The following PSMD1 variants were observed in gnomAD, a reference collection of about 807,000 sequenced individuals.
The protein encoded by PSMD1 is 26S proteasome non-ATPase regulatory subunit 1.
Under a neutral mutation model 119.0 loss-of-function variants are expected in PSMD1, and 18 were observed. The observed-to-expected ratio is 0.15, with a 90% confidence interval of 0.10 to 0.22. The LOEUF (loss-of-function observed/expected upper bound fraction) is 0.22, where lower values mean the gene tolerates loss of function less well. Among genes scored for constraint, PSMD1 ranks in the 10% least tolerant of loss-of-function variants. The probability of loss-of-function intolerance (pLI) is 1.00; values close to 1 mark genes in which losing one functional copy is unlikely to be tolerated. For missense variants in PSMD1, 702 were observed against 1,158.5 expected, an observed-to-expected ratio of 0.61 and a Z score of 5.72; for synonymous variants, 374 against 396.6, an observed-to-expected ratio of 0.94 and a Z score of 0.68.
intron 16 of PSMD1, among the ~76,000 whole-genome samples, chr2:231,112,211 G>A (rs1188471003): frequency 6.6e-6 from 1 of 151,932 alleles, no homozygotes; most frequent in Non-Finnish European, 1.5e-5. Flanking sequence ...CTTACCAAAT[G>A]TGAGTCATCT....
chr2:231,142,908 T>C (rs1696159911), intron 17 of PSMD1, among the ~76,000 whole-genome samples: 1 of 152,160 alleles, frequency 6.6e-6, no homozygotes, highest in African/African-American at 2.4e-5. Context: ...AATTTTAATA[T>C]ATATATGTTA....
chr2:231,146,812 T>C (rs138083092), intron 18 of PSMD1, among the ~76,000 whole-genome samples: 170 of 152,320 alleles, frequency 1.1e-3, no homozygotes, highest in African/African-American at 4.1e-3. Flanking sequence ...TAGAAATGAG[T>C]ACATCCACAT....
chr2:231,117,921 T>A (rs923141807), intron 16 of PSMD1, among the ~76,000 whole-genome samples: 2 of 152,176 alleles, frequency 1.3e-5, no homozygotes, highest in African/African-American at 4.8e-5. Context: ...ATTTAAGGTA[T>A]AAATGTTGGT....
chr2:231,106,026 T>C (rs918459218), intron 16 of PSMD1, among the ~76,000 whole-genome samples: 1 of 152,036 alleles, frequency 6.6e-6, no homozygotes, highest in Non-Finnish European at 1.5e-5. Context: ...AGGTTTTTTT[T>C]TTTTTTTCAA....
At chr2:231,057,064 G>T in intron 1 of PSMD1, 23 bp downstream of exon 1, 1 of 1,505,828 alleles carries the variant, frequency 6.6e-7, no homozygotes. Flanking sequence ...CGTAGCCAGC[G>T]CCTGGAGGGA....
At chr2:231,098,285 G>A (rs561406960) in intron 16 of PSMD1, among the ~76,000 whole-genome samples, 65 of 152,284 alleles carry the variant, frequency 4.3e-4, no homozygotes, top group African/African-American at 1.3e-3. Context: ...ATAGGGTCAC[G>A]GAGAAGACCT....
In PSMD1 at chr2:231,062,619, G is replaced by A; in HGVS notation, c.248G>A (p.Gly83Glu). Residue 83 changes from glycine (G) to glutamate (E), a missense_variant, in exon 4 of 25, where the codon GGA (glycine) becomes GAA (glutamate). Physicochemically the swap from Gly to Glu is moderately conservative, Grantham distance 98 (BLOSUM62 -2). Coordinates refer to ENST00000308696, the MANE Select transcript of PSMD1 (RefSeq NM_002807.4). ...AFEESLNYAL[G>E]AGDLFNVNDN... is the part of the protein sequence containing the mutation. Reference sequence around the variant, plus strand: ...GAGGAGTCTCTGAATTATGCTCTTGGAGCAGGGGACCTCTTCAATGTCAAT... The same window carrying A: ...GAGGAGTCTCTGAATTATGCTCTTGAAGCAGGGGACCTCTTCAATGTCAAT... 1 of 1,613,240 alleles carries A rather than the reference G, an allele frequency of 6.2e-7. No homozygotes were observed. Among genetic ancestry groups the A allele is most frequent in the South Asian group, 1.1e-5 (1 of 90,976 alleles).
At chr2:231,102,799 C>T (rs1446403223) in intron 16 of PSMD1, among the ~76,000 whole-genome samples, 1 of 152,000 alleles carries the variant, frequency 6.6e-6, no homozygotes, top group East Asian at 1.9e-4. Flanking sequence ...AGTGGGCCCA[C>T]ACAGTTCAAG....
Position 231,087,086 on chromosome 2 carries a change from GTATAA to G in PSMD1, c.1819-24_1819-20del, listed in dbSNP as rs369492496. On this transcript the variant is annotated intron_variant, in intron 15 of 24. Coordinates refer to ENST00000308696, the MANE Select transcript of PSMD1 (RefSeq NM_002807.4). ...GTTTGGTCTAGTGGTAGACTACATA[GTATAA>G]TATAATCTTAAACTTTTCCCCCTAG... The G allele has an allele frequency of 1.3e-4, 207 of 1,594,816 alleles. 3 individuals carry two copies. In the East Asian group the frequency reaches 4.3e-3, roughly 33 times the overall value.
intron 19 of PSMD1, among the ~76,000 whole-genome samples, chr2:231,158,990 G>C (rs1166151373): frequency 6.6e-6 from 1 of 152,090 alleles, no homozygotes; most frequent in African/African-American, 2.4e-5. Context: ...AGAAAATCTA[G>C]ATTATTTGGT....
At chr2:231,116,993 G>T (rs2125220754) in intron 16 of PSMD1, among the ~76,000 whole-genome samples, 1 of 152,028 alleles carries the variant, frequency 6.6e-6, no homozygotes, top group Middle Eastern at 3.4e-3. Flanking sequence ...TTTTTTAAAT[G>T]CCTAATATAT....
At chr2:231,148,176 C>A (rs1348317888) in intron 18 of PSMD1, among the ~76,000 whole-genome samples, 1 of 152,108 alleles carries the variant, frequency 6.6e-6, no homozygotes, top group Non-Finnish European at 1.5e-5. Context: ...ATATGAGTAG[C>A]TTTTACATAT....
At chr2:231,069,784 G>A (rs1693999245) in intron 5 of PSMD1, among the ~76,000 whole-genome samples, 2 of 152,276 alleles carry the variant, frequency 1.3e-5, no homozygotes, top group South Asian at 4.1e-4. Context: ...ATGTAATAGT[G>A]ATTCTGAGTA....
chr2:231,161,278 T>C (rs1333203227), intron 19 of PSMD1, 62 bp from the exon 20 acceptor site: 2 of 1,358,044 alleles, frequency 1.5e-6, no homozygotes, highest in Non-Finnish European at 2.0e-6. Context: ...ATCGTTATTA[T>C]TGTCCTACTA....
chr2:231,118,472 A>T (rs1015316314), intron 16 of PSMD1, among the ~76,000 whole-genome samples: 5 of 152,198 alleles, frequency 3.3e-5, no homozygotes, highest in African/African-American at 1.2e-4. Flanking sequence ...AATTTGTCAT[A>T]AAAGTATGTT....
At chr2:231,168,435 A>G (rs1696838471) in intron 23 of PSMD1, among the ~76,000 whole-genome samples, 1 of 152,260 alleles carries the variant, frequency 6.6e-6, no homozygotes, top group Non-Finnish European at 1.5e-5. Context: ...TGAATGAATA[A>G]TGTGAGATAA....
At chr2:231,166,742 C>T (rs1055829154) in intron 23 of PSMD1, among the ~76,000 whole-genome samples, 3 of 152,114 alleles carry the variant, frequency 2.0e-5, no homozygotes, top group African/African-American at 7.2e-5. Context: ...TCTAAAATGT[C>T]AGAGATTCGA....
At chr2:231,105,835 C>G (rs562441928) in intron 16 of PSMD1, among the ~76,000 whole-genome samples, 13 of 152,082 alleles carry the variant, frequency 8.5e-5, no homozygotes, top group Non-Finnish European at 1.6e-4. Context: ...CTTTACATCT[C>G]CATTCACAAT....
intron 18 of PSMD1, among the ~76,000 whole-genome samples, chr2:231,148,336 A>G (rs1166668930): frequency 6.6e-6 from 1 of 152,172 alleles, no homozygotes; most frequent in Non-Finnish European, 1.5e-5. Context: ...CTTTCATGTT[A>G]CTTGTATTGT....
Sources: gnomAD v4.1 joint callset for allele counts (sites outside exome capture counted in the v4.1 genomes callset) on GRCh38, gnomAD v4.1.1 for gene constraint, MANE v1.5 for transcripts, NCBI Gene and HGNC (gene_info 2026-07-23, HGNC 2026-07-21) for gene names.